Variants in POTEJ observed in about 807,000 individuals in gnomAD.
POTEJ encodes POTE ankyrin domain family member J.
A neutral mutation model predicts 69.0 loss-of-function variants in POTEJ; 11 were observed. That is an observed-to-expected ratio of 0.16 (90% CI 0.10 to 0.26). The LOEUF is 0.26. Among genes scored for constraint, POTEJ ranks in the 10% least tolerant of loss-of-function variants. The probability of loss-of-function intolerance (pLI) is 1.00; values close to 1 mark genes in which losing one functional copy is unlikely to be tolerated. For synonymous variants in POTEJ, 117 were observed against 381.1 expected, an observed-to-expected ratio of 0.31 and a Z score of 8.07; for missense variants, 327 against 1,045.5, an observed-to-expected ratio of 0.31 and a Z score of 9.48.
At chr2:130,638,056 C>T (rs1296888771) in intron 9 of POTEJ, among the ~76,000 whole-genome samples, 1 of 148,462 alleles carries the variant, frequency 6.7e-6, no homozygotes, top group African/African-American at 2.5e-5. Context: ...GACTTAATAA[C>T]GTTTCCTGAA....
intron 13 of POTEJ, among the ~76,000 whole-genome samples, chr2:130,647,079 G>A (rs1363010248): frequency 6.7e-6 from 1 of 150,260 alleles, no homozygotes; most frequent in Non-Finnish European, 1.5e-5. Context: ...TAGTCTAATT[G>A]CTTATCAATA....
At chr2:130,641,290 G>A (rs2105241988) in intron 10 of POTEJ, among the ~76,000 whole-genome samples, 1 of 152,240 alleles carries the variant, frequency 6.6e-6, no homozygotes, top group East Asian at 1.9e-4. Context: ...CATCCTTGGA[G>A]TAGCATCAAT....
At chr2:130,645,366 G>T (rs1686539200) in intron 11 of POTEJ, among the ~76,000 whole-genome samples, 1 of 71,130 alleles carries the variant, frequency 1.4e-5, no homozygotes, top group Non-Finnish European at 3.0e-5. Context: ...GAAGATTTTG[G>T]AACACTACAA....
At chr2:130,632,242 T>C (rs1203021186) in intron 8 of POTEJ, among the ~76,000 whole-genome samples, 1 of 150,514 alleles carries the variant, frequency 6.6e-6, no homozygotes, top group Non-Finnish European at 1.5e-5. Flanking sequence ...TTTTTGAATT[T>C]TGGAAAATTC....
At position 130,624,102 on chromosome 2, in the gene POTEJ, T is replaced by A. The variant is rs1160121801; in HGVS notation, c.983T>A (p.Met328Lys). 7.0e-7 allele frequency: 1 copy of A among 1,422,058 alleles called. No individual in the cohort carries two copies. The highest frequency in any genetic ancestry group is 9.5e-7 in the Non-Finnish European group (1 of 1,055,118). The allele number at this position is 1,422,058 out of a possible 1,614,324, so 88.1% of individuals were successfully genotyped here. The change falls in exon 6 of 15, where the codon ATG becomes AAG. Residue 328 changes from methionine to lysine, a missense_variant. By Grantham distance (95) the Met-to-Lys change is moderately conservative. Transcript: ENST00000409602. ...QLLSDYKEKQ[M>K]LKISSENSNP... ...CTTTCTGACTACAAAGAAAAACAGA[T>A]GCTAAAAATCTCTTCTGAAAACAGC...
chr2:130,614,173 A>G (rs1484744634), intron 1 of POTEJ, among the ~76,000 whole-genome samples: 1 of 151,830 alleles, frequency 6.6e-6, no homozygotes, highest in African/African-American at 2.4e-5. Context: ...AAAAGAAAAA[A>G]AAAAAAAAAA....
chr2:130,637,179 C>T (rs1296387941), intron 9 of POTEJ, among the ~76,000 whole-genome samples: 2 of 150,268 alleles, frequency 1.3e-5, no homozygotes, highest in South Asian at 4.2e-4. Flanking sequence ...TAATAAGCTA[C>T]ATTGTTTATA....
chr2:130,622,987 T>C (rs1344027582), intron 5 of POTEJ: 2 of 144,314 alleles, frequency 1.4e-5, no homozygotes, highest in Admixed American at 1.3e-4. Flanking sequence ...TGACTAGCTC[T>C]AAGGAATTAG....
chr2:130,641,396 A>C (rs1342499637), intron 10 of POTEJ, among the ~76,000 whole-genome samples: 1 of 148,640 alleles, frequency 6.7e-6, no homozygotes, highest in East Asian at 1.9e-4. Flanking sequence ...TGCCTTTTTC[A>C]CTTGTTTTGC....
At chr2:130,625,425 T>G (rs1270930822) in intron 6 of POTEJ, among the ~76,000 whole-genome samples, 1 of 151,860 alleles carries the variant, frequency 6.6e-6, no homozygotes, top group African/African-American at 2.4e-5. Context: ...ATTCAGTGCT[T>G]ACTGTGTGCT....
chr2:130,632,164 T>TG (rs1157069435), intron 8 of POTEJ, among the ~76,000 whole-genome samples: 1 of 151,020 alleles, frequency 6.6e-6, no homozygotes, highest in South Asian at 2.1e-4. Flanking sequence ...ATGAGTCAAA[T>TG]GGGGTAAATA....
intron 6 of POTEJ, among the ~76,000 whole-genome samples, chr2:130,627,020 T>C (rs1314368479): frequency 6.6e-6 from 1 of 152,172 alleles, no homozygotes; most frequent in African/African-American, 2.4e-5. Flanking sequence ...AATAATTGAA[T>C]GAGAAAGCCT....
intron 13 of POTEJ, among the ~76,000 whole-genome samples, chr2:130,651,938 T>C (rs1232356772): frequency 7.2e-6 from 1 of 139,256 alleles, no homozygotes; most frequent in Non-Finnish European, 1.5e-5. Flanking sequence ...TTTTGAATTA[T>C]AAATAATGAC....
chr2:130,640,584 C>A lies in POTEJ; in HGVS notation c.1369+1895C>A, dbSNP rs570412591. ...ACGTCTCCTTTCGTGGTTGGCTAAT[C>A]CGCAGCAGCTCCAAACATCTTGTTC... On this transcript the variant is annotated intron_variant, in intron 10 of 14. Transcript: ENST00000409602. Among the ~76,000 whole-genome samples the A allele has an allele frequency of 1.6e-3, 237 of 151,338 alleles. 1 individual carries two copies. Among genetic ancestry groups the A allele is most frequent in the African/African-American group, 5.5e-3 (224 of 40,918 alleles).
At chr2:130,642,006 C>G (rs527790002) in intron 10 of POTEJ, among the ~76,000 whole-genome samples, 90 of 151,872 alleles carry the variant, frequency 5.9e-4, no homozygotes, top group Non-Finnish European at 1.2e-3. Flanking sequence ...TCACAGCTGC[C>G]AGAAAAGAAA....
intron 9 of POTEJ, among the ~76,000 whole-genome samples, chr2:130,635,852 CTAG>C (rs1329552252): frequency 5.3e-5 from 7 of 132,186 alleles, no homozygotes; most frequent in East Asian, 4.1e-4. Context: ...CATCTGCAGT[CTAG>C]ATGAGTGTCA....
At chr2:130,639,169 G>T (rs757030718) in intron 10 of POTEJ, among the ~76,000 whole-genome samples, 65 of 151,724 alleles carry the variant, frequency 4.3e-4, no homozygotes, top group African/African-American at 1.5e-3. Flanking sequence ...TGCCTGCTGC[G>T]CACCTCCTCC....
rs1161332801 is a variant in POTEJ, at chr2:130,644,208, C to T, written c.1440+155C>T. Among the ~76,000 whole-genome samples, 130 of 138,600 alleles carry T rather than the reference C, an allele frequency of 9.4e-4. No individual in the cohort carries two copies. The South Asian group carries it at 0.021, about 22-fold the overall frequency. The allele number at this position is 138,600 out of a possible 152,430, so 90.9% of individuals were successfully genotyped here. A position where few individuals can be genotyped will look rare whatever the true frequency, so the allele number is the denominator to read the frequency against. On this transcript the variant is annotated intron_variant, in intron 11 of 14. Transcript: ENST00000409602. Reference sequence around the variant, plus strand: ...TCTTTTGGCCAGGCAAGGTGGCTCACGCCTGTAATCCCAGCACTTTGAGAG... The same window carrying T: ...TCTTTTGGCCAGGCAAGGTGGCTCATGCCTGTAATCCCAGCACTTTGAGAG...
chr2:130,620,303 G>A (rs1259744966), intron 4 of POTEJ, among the ~76,000 whole-genome samples, 152 bp downstream of exon 4: 1 of 145,242 alleles, frequency 6.9e-6, no homozygotes, highest in South Asian at 2.2e-4. Context: ...CTTGGACTGG[G>A]CAACATAAAG....
Sources: gnomAD v4.1 joint callset for allele counts (sites outside exome capture counted in the v4.1 genomes callset) on GRCh38, gnomAD v4.1.1 for gene constraint, MANE v1.5 for transcripts, NCBI Gene and HGNC (gene_info 2026-07-23, HGNC 2026-07-21) for gene names.